The following ALG5 variants were observed in gnomAD, a reference collection of about 807,000 sequenced individuals.
The protein encoded by ALG5 is ALG5 dolichyl-phosphate beta-glucosyltransferase.
Under a neutral mutation model 51.8 loss-of-function variants are expected in ALG5, and 26 were observed. That is an observed-to-expected ratio of 0.50 (90% CI 0.37 to 0.70). ALG5 has a LOEUF of 0.70. Among genes scored for constraint, ALG5 ranks in the 30% least tolerant of loss-of-function variants. ALG5 has a pLI of 0.00. For missense variants in ALG5, 311 were observed against 399.3 expected (o/e 0.78, Z 1.88); for synonymous variants, 141 against 136.1 (o/e 1.04, Z -0.25).
At chr13:36,971,190 C>T (rs964561627) in intron 7 of ALG5, among the ~76,000 whole-genome samples, 1 of 152,002 alleles carries the variant, frequency 6.6e-6, no homozygotes, top group Non-Finnish European at 1.5e-5. Context: ...TTTTTACACC[C>T]TAAAAGGGCA....
intron 1 of ALG5, among the ~76,000 whole-genome samples, chr13:36,996,438 CTTCAGAGATTA>C (rs1377243871): frequency 6.6e-5 from 10 of 152,096 alleles, no homozygotes; most frequent in Admixed American, 3.9e-4. Flanking sequence ...ACTACTATCA[CTTCAGAGATTA>C]TAAGATTATA....
intron 8 of ALG5, among the ~76,000 whole-genome samples, chr13:36,955,686 GAAAAAAAA>G (rs35130767): frequency 0.015 from 543 of 36,496 alleles, 6 homozygotes; most frequent in Admixed American, 0.027. Flanking sequence ...CAGAGATTGT[GAAAAAAAA>G]AAAAAAAAAA....
chr13:36,975,973 C>CAA (rs1224265439), intron 6 of ALG5, among the ~76,000 whole-genome samples: 3 of 122,478 alleles, frequency 2.4e-5, no homozygotes, highest in Admixed American at 8.1e-5. Context: ...TAACTTGTCT[C>CAA]AAAAAAAAAA....
chr13:36,959,020 C>A (rs2058853572), intron 8 of ALG5, among the ~76,000 whole-genome samples: 1 of 152,032 alleles, frequency 6.6e-6, no homozygotes, highest in Non-Finnish European at 1.5e-5. Context: ...TATTATTCAG[C>A]CTTAAAAAAG....
chr13:36,955,570 T>A (rs1166565593), intron 8 of ALG5, among the ~76,000 whole-genome samples: 1 of 150,922 alleles, frequency 6.6e-6, no homozygotes, highest in Non-Finnish European at 1.5e-5. Context: ...GATAATAAAA[T>A]TGAGGAAATC....
intron 6 of ALG5, among the ~76,000 whole-genome samples, chr13:36,976,425 CAAAAAA>C (rs57192095): frequency 2.7e-5 from 1 of 36,614 alleles, no homozygotes; most frequent in Non-Finnish European, 6.6e-5. Flanking sequence ...GACTCTGTCT[CAAAAAA>C]AAAAAAAAAA....
At chr13:36,989,224 A>G (rs1593683515) in intron 5 of ALG5, among the ~76,000 whole-genome samples, 1 of 152,348 alleles carries the variant, frequency 6.6e-6, no homozygotes, top group South Asian at 2.1e-4. Flanking sequence ...TGCTAACTCT[A>G]TCAAAGATAC....
intron 7 of ALG5, among the ~76,000 whole-genome samples, chr13:36,966,912 C>A (rs923038052): frequency 1.3e-5 from 2 of 151,996 alleles, no homozygotes; most frequent in Non-Finnish European, 2.9e-5. Flanking sequence ...CACAGTGGAA[C>A]AGAGTAACAA....
At chr13:36,978,859 T>C (rs2058966009) in intron 6 of ALG5, among the ~76,000 whole-genome samples, 1 of 146,854 alleles carries the variant, frequency 6.8e-6, no homozygotes, top group Non-Finnish European at 1.5e-5. Context: ...GAGGCTGCAG[T>C]GAGCTGAGAT....
rs200705904 is a variant in ALG5 at position 36,995,569 on chromosome 13, T to C, written c.94A>G (p.Thr32Ala). 20 of 1,604,398 alleles carry C rather than the reference T, an allele frequency of 1.2e-5. No homozygotes were observed. Among genetic ancestry groups the C allele is most frequent in the African/African-American group, 6.7e-5 (5 of 74,202 alleles). The change falls in exon 2 of 10, where the codon ACA becomes GCA. Residue 32 changes from threonine (T) to alanine (A), a missense_variant. Physicochemically the swap from Thr to Ala is moderately conservative, Grantham distance 58. Transcript: ENST00000239891. ...LISIVAFTTA[T>A]KMPALHRHEE... ...TGTCGATGGAGTGCTGGCATTTTTG[T>C]AGCAGTTGTAAATGCAACGATGGAA...
chr13:36,981,144 G>A (rs1468178057), intron 6 of ALG5, among the ~76,000 whole-genome samples: 3 of 152,004 alleles, frequency 2.0e-5, no homozygotes, highest in African/African-American at 7.2e-5. Context: ...AGATGACTTT[G>A]TATAAGAATC....
intron 8 of ALG5, among the ~76,000 whole-genome samples, chr13:36,957,823 C>T (rs950209285): frequency 6.6e-6 from 1 of 152,108 alleles, no homozygotes; most frequent in East Asian, 1.9e-4. Flanking sequence ...AGCCTGTCCC[C>T]GAGAAGAGGG....
intron 8 of ALG5, among the ~76,000 whole-genome samples, chr13:36,956,061 C>T (rs1015791890): frequency 6.6e-6 from 1 of 152,074 alleles, no homozygotes; most frequent in Non-Finnish European, 1.5e-5. Flanking sequence ...ACAGACTGTA[C>T]AGACAACCTA....
At chr13:36,960,075 T>C in intron 8 of ALG5, among the ~76,000 whole-genome samples, 1 of 152,174 alleles carries the variant, frequency 6.6e-6, no homozygotes, top group Non-Finnish European at 1.5e-5. Flanking sequence ...ATTTATTACC[T>C]TCGGGAAAAC....
At chr13:36,989,939 T>C (rs146752849) in intron 4 of ALG5, among the ~76,000 whole-genome samples, 25 of 152,296 alleles carry the variant, frequency 1.6e-4, no homozygotes, top group African/African-American at 4.3e-4. Flanking sequence ...AAACTTATGA[T>C]TGGGCCCTTA....
chr13:36,960,526 T>C (rs1379219049), intron 8 of ALG5, among the ~76,000 whole-genome samples: 1 of 152,118 alleles, frequency 6.6e-6, no homozygotes. Flanking sequence ...ATATATATTA[T>C]TATTGAGACA....
intron 4 of ALG5, among the ~76,000 whole-genome samples, chr13:36,990,625 C>G (rs1228527184): frequency 6.6e-6 from 1 of 152,186 alleles, no homozygotes; most frequent in Non-Finnish European, 1.5e-5. Context: ...AGCCCAGACT[C>G]TTCTCTCCTG....
At chr13:36,959,687 T>C (rs1216958273) in intron 8 of ALG5, among the ~76,000 whole-genome samples, 1 of 152,160 alleles carries the variant, frequency 6.6e-6, no homozygotes, top group Non-Finnish European at 1.5e-5. Context: ...TCCAGAATTC[T>C]GAGGAAAAAT....
At chr13:36,993,358 A>G (rs1348877425) in intron 4 of ALG5, among the ~76,000 whole-genome samples, 1 of 152,084 alleles carries the variant, frequency 6.6e-6, no homozygotes, top group Non-Finnish European at 1.5e-5. Context: ...GAAGGTTCCT[A>G]CCCTAAAGGC....
Sources: gnomAD v4.1 joint callset for allele counts (sites outside exome capture counted in the v4.1 genomes callset) on GRCh38, gnomAD v4.1.1 for gene constraint, MANE v1.5 for transcripts, NCBI Gene and HGNC (gene_info 2026-07-23, HGNC 2026-07-21) for gene names.